The following CTDP1 variants were observed in gnomAD, a reference collection of about 807,000 sequenced individuals.
The protein encoded by CTDP1 is CTD phosphatase 1.
In CTDP1, 47 loss-of-function variants were observed where a neutral mutation model predicts 91.8. That is an observed-to-expected ratio of 0.51 (90% CI 0.41 to 0.65). The LOEUF is 0.65. CTDP1 is among the 30% of genes least tolerant of loss of function. The pLI, the probability that CTDP1 is intolerant of heterozygous loss-of-function variation, is 0.00. For synonymous variants in CTDP1, 656 were observed against 598.5 expected, an observed-to-expected ratio of 1.10 and a Z score of -1.40; for missense variants, 1,272 against 1,373.7, an observed-to-expected ratio of 0.93 and a Z score of 1.17.
At chr18:79,687,548 G>A (rs2085528571) in intron 1 of CTDP1, among the ~76,000 whole-genome samples, 3 of 148,974 alleles carry the variant, frequency 2.0e-5, no homozygotes, top group African/African-American at 7.5e-5. Flanking sequence ...TCACTGGTGG[G>A]CCTGCACCGC....
At chr18:79,691,055 C>G (rs1431863985) in intron 1 of CTDP1, among the ~76,000 whole-genome samples, 1 of 152,184 alleles carries the variant, frequency 6.6e-6, no homozygotes, top group Non-Finnish European at 1.5e-5. Context: ...CAGCCCTCAC[C>G]TGCTTCCTAC....
rs2086119006 is a variant in CTDP1, at chr18:79,713,194, C to T, written c.1030+56C>T. On this transcript the variant is annotated intron_variant, in intron 7 of 12. Coordinates refer to ENST00000613122, the MANE Select transcript of CTDP1 (RefSeq NM_004715.5). The surrounding 1 kb of genome is among the most constrained non-coding windows in gnomAD (Gnocchi z 4.7). ...GAATTCACATTTGCTTATTGTTTAG[C>T]TCTTCTTATTTCTTATCTCTGTTTT... 1 of 1,536,914 alleles carries T rather than the reference C, an allele frequency of 6.5e-7. No homozygotes were observed. Among genetic ancestry groups the T allele is most frequent in the South Asian group, 1.1e-5 (1 of 87,296 alleles).
Position 79,710,439 on chromosome 18 carries a change from A to G in CTDP1, c.863+3A>G. 1 of 1,607,948 alleles carries G rather than the reference A, an allele frequency of 6.2e-7. No individual in the cohort carries two copies. On this transcript the variant is annotated splice_donor_region_variant and intron_variant, in intron 6 of 12. Transcript: ENST00000613122. The stretch of plus-strand genomic sequence containing the variant: ...TTTTCTAAAACGGGAAACCTTAGGT[A>G]TGTACCCAGCCGCGCTCCTCACAAA...
At chr18:79,715,928 G>A (rs190150682) in intron 8 of CTDP1, among the ~76,000 whole-genome samples, 3 of 152,218 alleles carry the variant, frequency 2.0e-5, no homozygotes, top group East Asian at 1.9e-4. Flanking sequence ...CAGCTGAAAC[G>A]TGCACAGAAG....
intron 1 of CTDP1, among the ~76,000 whole-genome samples, chr18:79,689,164 C>CA (rs1172805103): frequency 5.3e-5 from 8 of 152,176 alleles, no homozygotes; most frequent in African/African-American, 1.9e-4. Context: ...TCAGCTCCTT[C>CA]GTCTTTCTTT....
chr18:79,699,313 T>G (rs2085809083), intron 4 of CTDP1, among the ~76,000 whole-genome samples: 1 of 152,154 alleles, frequency 6.6e-6, no homozygotes, highest in Admixed American at 6.5e-5. Flanking sequence ...CAGGCTGGAG[T>G]GCAGTGGCAG....
chr18:79,729,180 C>T, intron 11 of CTDP1, 111 bp downstream of exon 11: 2 of 1,362,826 alleles, frequency 1.5e-6, no homozygotes, highest in South Asian at 1.2e-5. Context: ...AGCTAGAGTC[C>T]TGCACTTGTG....
Position 79,727,505 on chromosome 18 carries a change from G to A in CTDP1, c.2418-1402G>A, listed in dbSNP as rs567602396. 3.9e-5 allele frequency among the ~76,000 whole-genome samples: 6 copies of A among 152,234 alleles called. No individual in the cohort carries two copies. In the South Asian group the frequency reaches 6.2e-4, roughly 16 times the overall value. On this transcript the variant is annotated intron_variant, in intron 10 of 12. Coordinates refer to ENST00000613122, the MANE Select transcript of CTDP1 (RefSeq NM_004715.5). ...GCGGGGTGGGAAGCGTGGCGTTTGC[G>A]GCGTTCGTGGGATGGGAAGCGCGTG...
intron 1 of CTDP1, among the ~76,000 whole-genome samples, chr18:79,684,609 C>G (rs2122370312): frequency 6.8e-6 from 1 of 147,684 alleles, no homozygotes; most frequent in Non-Finnish European, 1.5e-5. Flanking sequence ...CCCTCGTTGC[C>G]TGCGTTGTTG....
chr18:79,753,287 A>G (rs1053995900), intron 12 of CTDP1, among the ~76,000 whole-genome samples: 4 of 152,260 alleles, frequency 2.6e-5, no homozygotes, highest in Non-Finnish European at 5.9e-5. Flanking sequence ...GCTTGTTCAC[A>G]TAACACTAAT....
chr18:79,720,254 T>G (rs1363661308), intron 10 of CTDP1, among the ~76,000 whole-genome samples: 1 of 136,764 alleles, frequency 7.3e-6, no homozygotes, highest in South Asian at 2.4e-4. Flanking sequence ...CCTGGTGATG[T>G]CACCTCCCAT....
chr18:79,701,947 C>T (rs1157283484), intron 4 of CTDP1, among the ~76,000 whole-genome samples: 3 of 152,174 alleles, frequency 2.0e-5, no homozygotes, highest in South Asian at 2.1e-4. Flanking sequence ...TTGCTTCTTA[C>T]GGATGAGCAA....
In CTDP1 at chr18:79,688,136, T is replaced by G. The variant is rs368779744; in HGVS notation, c.315-7089T>G. On this transcript the variant is annotated intron_variant, in intron 1 of 12. Transcript: ENST00000613122. ...TTCTCCAGGATGGCTGCGTCTGGGC[T>G]CTGGGCGACTGAACCAGGTGCAGAG... Among the ~76,000 whole-genome samples, 257 of 152,352 alleles carry G rather than the reference T, an allele frequency of 1.7e-3. 3 individuals carry two copies. The East Asian group carries it at 0.018, about 11-fold the overall frequency.
In CTDP1 at chr18:79,736,380, GCGA is replaced by G. The variant is rs1487308698; in HGVS notation, c.2611_2613del (p.Asp871del). ...GTGGACGACATCCTTGGAGAAGGCA[GCGA>G]CGACAGCGACAGCGAGAAGAGGAGG... On this transcript the variant is annotated inframe_deletion, in exon 12 of 13. Transcript: ENST00000613122. The G allele has an allele frequency of 6.5e-7, 1 of 1,549,364 alleles. No homozygotes were observed. Among genetic ancestry groups the G allele is most frequent in the Admixed American group, 2.0e-5 (1 of 51,018 alleles).
chr18:79,699,999 T>A lies in CTDP1; in HGVS notation c.621+2011T>A, dbSNP rs1309232212. Among the ~76,000 whole-genome samples the A allele has an allele frequency of 2.0e-5, 3 of 152,160 alleles. No homozygotes were observed. The East Asian group carries it at 5.8e-4, about 29-fold the overall frequency. On this transcript the variant is annotated intron_variant, in intron 4 of 12. Transcript: ENST00000613122. ...GATTTGTGGTCAGTGATCTTTGAGG[T>A]CACTGTTGTCATTGTTTTGGGGTGC...
intron 1 of CTDP1, chr18:79,685,576 A>T (rs1454128621): frequency 6.6e-6 from 1 of 152,216 alleles, no homozygotes; most frequent in East Asian, 1.9e-4. Context: ...TTGCTGAATA[A>T]AATGAAGATC....
chr18:79,733,538 G>T (rs1482819838), intron 11 of CTDP1, among the ~76,000 whole-genome samples: 2 of 151,948 alleles, frequency 1.3e-5, no homozygotes, highest in East Asian at 3.9e-4. Flanking sequence ...CCTCGTTCCT[G>T]CCTGTTCTGC....
In CTDP1 at chr18:79,709,206, C is replaced by G. The variant is rs138791600; in HGVS notation, c.773-1140C>G. ...GTTGTTTTGTTTTTGTTTAGTACCC[C>G]TACTTCTACAAACTGAAATATGTTT... On this transcript the variant is annotated intron_variant, in intron 5 of 12. Coordinates refer to ENST00000613122, the MANE Select transcript of CTDP1 (RefSeq NM_004715.5). 5.6e-3 allele frequency among the ~76,000 whole-genome samples: 852 copies of G among 152,334 alleles called. 6 individuals are homozygous for G. The highest frequency in any genetic ancestry group is 0.019 in the African/African-American group (799 of 41,582).
intron 12 of CTDP1, among the ~76,000 whole-genome samples, chr18:79,745,012 C>T (rs75159070): frequency 0.012 from 1,836 of 152,292 alleles, 27 homozygotes; most frequent in Middle Eastern, 0.024. Context: ...CCATGGCCAG[C>T]TGGCTCTCAG....
Sources: allele counts gnomAD v4.1 joint callset (sites outside exome capture counted in the v4.1 genomes callset), GRCh38; gene constraint gnomAD v4.1.1; non-coding constraint Gnocchi (gnomAD v3.1); transcripts MANE v1.5; gene names NCBI Gene and HGNC (gene_info 2026-07-23, HGNC 2026-07-21).